Variants in VAMP4 observed in about 807,000 individuals in gnomAD.
The protein encoded by VAMP4 is vesicle associated membrane protein 4.
A neutral mutation model predicts 23.5 loss-of-function variants in VAMP4; 19 were observed. The observed-to-expected ratio is 0.81, with a 90% CI of 0.56 to 1.19. The LOEUF is 1.19. Among genes scored for constraint, VAMP4 ranks in the 50% most tolerant of loss-of-function variants. The probability of loss-of-function intolerance (pLI) is 0.00; values close to 1 mark genes in which losing one functional copy is unlikely to be tolerated. For synonymous variants in VAMP4, 31 were observed against 51.0 expected (o/e 0.61, Z 1.67); for missense variants, 145 against 168.6 (o/e 0.86, Z 0.78).
intron 2 of VAMP4, among the ~76,000 whole-genome samples, chr1:171,732,060 G>T (rs998301314): frequency 3.3e-5 from 5 of 152,116 alleles, no homozygotes; most frequent in African/African-American, 1.2e-4. Context: ...TTCAGAGATG[G>T]AGAAGCCAAA....
At chr1:171,710,837 T>C (rs756867975) in intron 4 of VAMP4, 23 bp from the exon 5 acceptor site, 1 of 1,514,462 alleles carries the variant, frequency 6.6e-7, no homozygotes, top group Non-Finnish European at 9.0e-7. Flanking sequence ...AGATACACAA[T>C]TATTTATCCT....
chr1:171,730,134 C>T (rs1476616398), intron 2 of VAMP4, among the ~76,000 whole-genome samples: 1 of 152,186 alleles, frequency 6.6e-6, no homozygotes, highest in African/African-American at 2.4e-5. Flanking sequence ...GATTTTAGCC[C>T]TATAAGCTCA....
chr1:171,712,937 C>G (rs1654897017), intron 4 of VAMP4, among the ~76,000 whole-genome samples: 1 of 152,186 alleles, frequency 6.6e-6, no homozygotes, highest in African/African-American at 2.4e-5. Context: ...CCCCATTACT[C>G]TATTTTATTT....
chr1:171,737,840 A>G (rs1655792141), intron 2 of VAMP4, among the ~76,000 whole-genome samples: 1 of 152,224 alleles, frequency 6.6e-6, no homozygotes, highest in East Asian at 1.9e-4. Context: ...TATGAGAATA[A>G]TGATTTGATC....
chr1:171,701,153 T>C lies in VAMP4; in HGVS notation c.*3353A>G, dbSNP rs1390465739. 6.6e-6 allele frequency: 1 copy of C among 152,192 alleles called. No individual in the cohort carries two copies. Among genetic ancestry groups the C allele is most frequent in the Non-Finnish European group, 1.5e-5 (1 of 68,024 alleles). The allele number at this position is 152,192 out of a possible 1,614,324, so 9.4% of individuals were successfully genotyped here. On this transcript the variant is annotated 3_prime_UTR_variant, in exon 8 of 8. Transcript: ENST00000236192. ...AAGTAGAGCACCTTTCAGCCCTTAC[T>C]ACATTCTAAAACAAACTTGTAAATG...
intron 3 of VAMP4, among the ~76,000 whole-genome samples, chr1:171,721,341 T>C (rs913665641): frequency 7.9e-5 from 12 of 152,044 alleles, no homozygotes; most frequent in African/African-American, 2.2e-4. Context: ...AAGGCAAACA[T>C]AGACGAGGAG....
chr1:171,706,714 C>T (rs1480739975), intron 6 of VAMP4, among the ~76,000 whole-genome samples: 1 of 152,102 alleles, frequency 6.6e-6, no homozygotes, highest in Non-Finnish European at 1.5e-5. Flanking sequence ...CTGCTACCTT[C>T]GATGTATTGA....
At chr1:171,738,597 G>A (rs1655819055) in intron 1 of VAMP4, 134 bp from the exon 2 acceptor site, 2 of 594,376 alleles carry the variant, frequency 3.4e-6, no homozygotes, top group South Asian at 2.2e-5. Context: ...CCTCTCACTT[G>A]TTCCACTCCA....
At chr1:171,708,337 CAAA>C (rs200077955) in intron 6 of VAMP4, among the ~76,000 whole-genome samples, 43 of 87,450 alleles carry the variant, frequency 4.9e-4, no homozygotes, top group African/African-American at 1.4e-3. Context: ...AAGAGTGCCA[CAAA>C]AAAAAAAAAA....
At chr1:171,731,304 A>G (rs1318647225) in intron 2 of VAMP4, among the ~76,000 whole-genome samples, 1 of 152,158 alleles carries the variant, frequency 6.6e-6, no homozygotes, top group Non-Finnish European at 1.5e-5. Context: ...ATTAGGAGAT[A>G]TACCTAATGT....
At chr1:171,725,103 T>G (rs1439389833) in intron 3 of VAMP4, among the ~76,000 whole-genome samples, 2 of 152,182 alleles carry the variant, frequency 1.3e-5, no homozygotes, top group Non-Finnish European at 2.9e-5. Context: ...TCAAAAGCCC[T>G]GGCAAACACC....
chr1:171,738,001 G>A (rs1025475334), intron 2 of VAMP4, among the ~76,000 whole-genome samples: 5 of 152,028 alleles, frequency 3.3e-5, no homozygotes, highest in African/African-American at 1.2e-4. Flanking sequence ...TTTGAGACAG[G>A]GTCTTGCTCT....
At chr1:171,713,807 T>G (rs778025452) in intron 4 of VAMP4, among the ~76,000 whole-genome samples, 3 of 152,118 alleles carry the variant, frequency 2.0e-5, no homozygotes, top group Non-Finnish European at 4.4e-5. Context: ...CACTTCAGCC[T>G]TAGCAATAGA....
chr1:171,702,100 A>C lies in VAMP4; in HGVS notation c.*2406T>G, dbSNP rs1267587211. 6.6e-6 allele frequency: 1 copy of C among 152,074 alleles called. No individual in the cohort carries two copies. Among genetic ancestry groups the C allele is most frequent in the Admixed American group, 6.6e-5 (1 of 15,256 alleles). The allele number at this position is 152,074 out of a possible 1,614,324, so 9.4% of individuals were successfully genotyped here. ...ATGATCTGAGCTGAATGAGAAAAAA[A>C]GTAATTAAGGGAGGGAATAAAGGTA... On this transcript the variant is annotated 3_prime_UTR_variant, in exon 8 of 8. Coordinates refer to ENST00000236192, the MANE Select transcript of VAMP4 (RefSeq NM_003762.5).
At chr1:171,737,630 ATAGT>A (rs1483111433) in intron 2 of VAMP4, among the ~76,000 whole-genome samples, 2 of 152,212 alleles carry the variant, frequency 1.3e-5, no homozygotes, top group Non-Finnish European at 2.9e-5. Context: ...CTTTATTTAC[ATAGT>A]TAGTTAGATA....
In VAMP4 at chr1:171,703,419, T is replaced by TGTGTGTGTGTGTG. The variant is rs1553258233; in HGVS notation, c.*1086_*1087insCACACACACACAC. On this transcript the variant is annotated 3_prime_UTR_variant, in exon 8 of 8. Transcript: ENST00000236192. ...TGTGTGTGTGTGTGTGTGTGTGTGT[T>TGTGTGTGTGTGTG]TGTGTGTATATATATATATATATAT... 3.4e-5 allele frequency: 3 copies of TGTGTGTGTGTGTG among 87,960 alleles called. No individual in the cohort carries two copies. Among genetic ancestry groups the TGTGTGTGTGTGTG allele is most frequent in the East Asian group, 4.0e-4 (1 of 2,504 alleles). The allele number at this position is 87,960 out of a possible 1,614,324, so 5.4% of individuals were successfully genotyped here.
chr1:171,712,749 C>G (rs1004797308), intron 4 of VAMP4, among the ~76,000 whole-genome samples: 1 of 152,144 alleles, frequency 6.6e-6, no homozygotes, highest in Non-Finnish European at 1.5e-5. Flanking sequence ...TATTTAAGAA[C>G]AATGGCACAA....
At chr1:171,707,421 G>A (rs1159516533) in intron 6 of VAMP4, among the ~76,000 whole-genome samples, 2 of 152,080 alleles carry the variant, frequency 1.3e-5, no homozygotes, top group Non-Finnish European at 2.9e-5. Flanking sequence ...GTTTCCTCAT[G>A]ACCTGTTGTG....
intron 2 of VAMP4, 28 bp downstream of exon 2, chr1:171,738,321 T>C (rs1406335370): frequency 1.9e-6 from 3 of 1,608,776 alleles, no homozygotes; most frequent in Non-Finnish European, 2.5e-6. Context: ...GAATCTTTTG[T>C]TTTTAAAGCT....
Sources: allele counts gnomAD v4.1 joint callset (sites outside exome capture counted in the v4.1 genomes callset), GRCh38; gene constraint gnomAD v4.1.1; transcripts MANE v1.5; gene names NCBI Gene and HGNC (gene_info 2026-07-23, HGNC 2026-07-21).